The following FSHR variants were observed in gnomAD, a reference collection of about 807,000 sequenced individuals.
The protein encoded by FSHR is follicle-stimulating hormone receptor.
In FSHR, 46 loss-of-function variants were observed where a neutral mutation model predicts 52.1. The ratio of observed to expected loss-of-function variants is 0.88; its 90% CI spans 0.70 to 1.13. The LOEUF is 1.13. FSHR is among the 50% of genes most tolerant of loss of function. The pLI is 0.00. For missense variants in FSHR, 964 were observed against 834.6 expected (o/e 1.16, Z -1.91); for synonymous variants, 399 against 309.6 (o/e 1.29, Z -3.03).
At chr2:49,068,372 A>G in intron 1 of FSHR, 82 bp from the exon 2 acceptor site, 1 of 1,147,412 alleles carries the variant, frequency 8.7e-7, no homozygotes, top group Non-Finnish European at 1.3e-6. Context: ...ATCAGCAAAC[A>G]GTTACCATAT....
chr2:49,015,053 A>G, intron 4 of FSHR: 1 of 308,280 alleles, frequency 3.2e-6, no homozygotes. Context: ...TATAGTTTTT[A>G]TATAAAAACA....
chr2:49,104,924 G>C lies in FSHR; in HGVS notation c.153-36634C>G, dbSNP rs552773454. On this transcript the variant is annotated intron_variant, in intron 1 of 9. Transcript: ENST00000406846. Reference sequence around the variant, plus strand: ...GGAGACCACCCTTCTAAAAACTTTTGAGGGCATGTAGAGAATGAGAAGGGC... The same window carrying C: ...GGAGACCACCCTTCTAAAAACTTTTCAGGGCATGTAGAGAATGAGAAGGGC... Among the ~76,000 whole-genome samples the C allele has an allele frequency of 1.9e-3, 295 of 152,174 alleles. 1 individual carries two copies. Among genetic ancestry groups the C allele is most frequent in the Middle Eastern group, 0.01 (3 of 294 alleles).
rs60954380 is a variant in FSHR at position 49,125,953 on chromosome 2, A to G, written c.152+28313T>C. ...GCAGGGTCTAGAGGGCAAACTGTCC[A>G]TAAATAGACACTGGGTCTTCTAGCT... On this transcript the variant is annotated intron_variant, in intron 1 of 9. Coordinates refer to ENST00000406846, the MANE Select transcript of FSHR (RefSeq NM_000145.4). Among the ~76,000 whole-genome samples the G allele has an allele frequency of 2.8e-3, 433 of 152,342 alleles. 3 individuals are homozygous for G. Among genetic ancestry groups the G allele is most frequent in the African/African-American group, 0.01 (420 of 41,574 alleles).
intron 1 of FSHR, among the ~76,000 whole-genome samples, chr2:49,119,202 G>T (rs1294217390): frequency 2.6e-5 from 4 of 152,176 alleles, no homozygotes; most frequent in African/African-American, 9.7e-5. Flanking sequence ...TGATAGTGGG[G>T]CAATATCCCC....
At chr2:49,106,139 C>G (rs545709901) in intron 1 of FSHR, among the ~76,000 whole-genome samples, 1 of 152,166 alleles carries the variant, frequency 6.6e-6, no homozygotes, top group African/African-American at 2.4e-5. Flanking sequence ...GACTCTCTAC[C>G]TGCCTATCTC....
chr2:49,045,252 G>A (rs3892124), intron 2 of FSHR, among the ~76,000 whole-genome samples: 51,202 of 152,026 alleles, frequency 0.34, 9,302 homozygotes, highest in Non-Finnish European at 0.41. Flanking sequence ...TCCCAACACA[G>A]GAATCGTATT....
At chr2:49,106,263 C>T (rs1012020677) in intron 1 of FSHR, among the ~76,000 whole-genome samples, 2 of 152,088 alleles carry the variant, frequency 1.3e-5, no homozygotes, top group African/African-American at 4.8e-5. Flanking sequence ...TGCAAGGGCA[C>T]ACTTATACCT....
intron 2 of FSHR, among the ~76,000 whole-genome samples, chr2:49,037,118 G>C (rs945184098): frequency 3.3e-5 from 5 of 152,118 alleles, no homozygotes; most frequent in African/African-American, 1.2e-4. Flanking sequence ...CTTCCCATTA[G>C]AGAAACTGGG....
At chr2:49,023,101 G>A (rs1667795795) in intron 2 of FSHR, among the ~76,000 whole-genome samples, 1 of 152,188 alleles carries the variant, frequency 6.6e-6, no homozygotes, top group Non-Finnish European at 1.5e-5. Context: ...TGATAGAGGA[G>A]CTCCAGGAGA....
rs79646304 is a variant in FSHR at position 48,999,001 on chromosome 2, G to A, written c.375-8364C>T. On this transcript the variant is annotated intron_variant, in intron 4 of 9. Transcript: ENST00000406846. ...ATCTACTTTATCAATAAACTTATTC[G>A]GAAACATATGCTTTGTTTGTTTGTG... is the stretch of plus-strand genomic sequence containing the variant. Among the ~76,000 whole-genome samples the A allele has an allele frequency of 1.2e-3, 181 of 152,004 alleles. 1 individual carries two copies. Among genetic ancestry groups the A allele is most frequent in the Non-Finnish European group, 1.3e-3 (86 of 67,934 alleles).
At chr2:48,994,981 C>G (rs992408349) in intron 4 of FSHR, among the ~76,000 whole-genome samples, 10 of 152,126 alleles carry the variant, frequency 6.6e-5, no homozygotes, top group Non-Finnish European at 1.3e-4. Context: ...TTGCTGGGAA[C>G]CATTCTTACC....
At chr2:49,145,571 T>C (rs560772655) in intron 1 of FSHR, among the ~76,000 whole-genome samples, 1 of 152,206 alleles carries the variant, frequency 6.6e-6, no homozygotes, top group Non-Finnish European at 1.5e-5. Flanking sequence ...CAATCTATGA[T>C]TTCAGATTGC....
At chr2:49,099,145 T>A (rs1185078977) in intron 1 of FSHR, among the ~76,000 whole-genome samples, 1 of 151,984 alleles carries the variant, frequency 6.6e-6, no homozygotes, top group African/African-American at 2.4e-5. Context: ...TTGACATGGT[T>A]TAAATGTGTT....
intron 1 of FSHR, among the ~76,000 whole-genome samples, chr2:49,126,216 G>A (rs1321354678): frequency 1.3e-5 from 2 of 152,142 alleles, no homozygotes; most frequent in African/African-American, 4.8e-5. Context: ...AAGCTGAAAA[G>A]TCCAAGAGTG....
rs1284720972 is a variant in FSHR, at chr2:48,963,856, T to A, written c.965A>T (p.Tyr322Phe). Residue 322 changes from tyrosine to phenylalanine, a missense_variant, in exon 10 of 10, where the codon TAC becomes TTC. Physicochemically the swap from Tyr to Phe is conservative, Grantham distance 22. Transcript: ENST00000406846. ...GTACGTCATGTCAAATCCTCTGCTGTAGCTGGACTCATTGTCTTCTGCCAG... is the reference window on the plus strand; with the variant it reads ...GTACGTCATGTCAAATCCTCTGCTGAAGCTGGACTCATTGTCTTCTGCCAG... Reference protein sequence around the residue: ...SSLAEDNESSYSRGFDMTYTE... With the variant: ...SSLAEDNESSFSRGFDMTYTE... 2 of 1,614,196 alleles carry A rather than the reference T, an allele frequency of 1.2e-6. No individual in the cohort carries two copies. The highest frequency in any genetic ancestry group is 1.7e-6 in the Non-Finnish European group (2 of 1,180,006).
At chr2:49,071,830 G>A (rs145571148) in intron 1 of FSHR, among the ~76,000 whole-genome samples, 1 of 152,094 alleles carries the variant, frequency 6.6e-6, no homozygotes, top group East Asian at 1.9e-4. Context: ...GGAGATGCTA[G>A]GCTCTTTTCA....
At chr2:49,038,124 T>C (rs1182783224) in intron 2 of FSHR, among the ~76,000 whole-genome samples, 2 of 152,136 alleles carry the variant, frequency 1.3e-5, no homozygotes, top group Non-Finnish European at 2.9e-5. Flanking sequence ...ATGAGTTCAT[T>C]AATAGTTCAG....
chr2:48,983,516 C>T (rs976356371), intron 6 of FSHR, among the ~76,000 whole-genome samples: 8 of 152,202 alleles, frequency 5.3e-5, no homozygotes, highest in Admixed American at 5.2e-4. Flanking sequence ...AGATCTTTCT[C>T]ATCCTGAAGG....
intron 1 of FSHR, among the ~76,000 whole-genome samples, chr2:49,119,397 G>C (rs201725294): frequency 6.7e-6 from 1 of 148,706 alleles, no homozygotes; most frequent in East Asian, 1.9e-4. Context: ...TTTTGTTTTT[G>C]TTTTTGTTTT....
Sources: allele counts gnomAD v4.1 joint callset (sites outside exome capture counted in the v4.1 genomes callset), GRCh38; gene constraint gnomAD v4.1.1; transcripts MANE v1.5; gene names NCBI Gene and HGNC (gene_info 2026-07-23, HGNC 2026-07-21).